The following HCRTR2 variants were observed in gnomAD, a reference collection of about 807,000 sequenced individuals.
HCRTR2 encodes hypocretin receptor 2.
HCRTR2 carries 22 observed loss-of-function variants against 49.0 expected under a neutral mutation model. The ratio of observed to expected loss-of-function variants is 0.45; its 90% CI spans 0.32 to 0.64. The LOEUF (loss-of-function observed/expected upper bound fraction) is 0.64. Ranked by LOEUF, HCRTR2 falls within the 30% of genes least tolerant of loss-of-function variation. The probability of loss-of-function intolerance (pLI) is 0.04; values close to 1 mark genes in which losing one functional copy is unlikely to be tolerated. For synonymous variants in HCRTR2, 236 were observed against 205.3 expected (o/e 1.15, Z -1.28); for missense variants, 491 against 559.4 (o/e 0.88, Z 1.23).
chr6:55,278,621 A>C (rs967452964), intron 5 of HCRTR2, among the ~76,000 whole-genome samples: 1 of 152,240 alleles, frequency 6.6e-6, no homozygotes, highest in African/African-American at 2.4e-5. Context: ...ACAGCCTTAA[A>C]GATATATGAT....
intron 6 of HCRTR2, 22 bp downstream of exon 6, chr6:55,280,466 C>T (rs1767167653): frequency 6.2e-7 from 1 of 1,610,572 alleles, no homozygotes; most frequent in Non-Finnish European, 8.5e-7. Flanking sequence ...ACTGTTCTTC[C>T]ATAAGCCACA....
intron 1 of HCRTR2, among the ~76,000 whole-genome samples, chr6:55,225,160 T>A (rs1765978055): frequency 6.6e-6 from 1 of 152,206 alleles, no homozygotes; most frequent in Non-Finnish European, 1.5e-5. Context: ...ATTAAAGATT[T>A]AATGTAGATA....
At chr6:55,189,130 TTG>T (rs1186254755) in intron 1 of HCRTR2, among the ~76,000 whole-genome samples, 1 of 152,212 alleles carries the variant, frequency 6.6e-6, no homozygotes, top group African/African-American at 2.4e-5. Flanking sequence ...CTTCTTTATT[TTG>T]TGGGTATCTG....
chr6:55,159,157 G>T (rs1764770613), intron 1 of HCRTR2, among the ~76,000 whole-genome samples: 1 of 152,100 alleles, frequency 6.6e-6, no homozygotes, highest in Non-Finnish European at 1.5e-5. Flanking sequence ...GTGATACCCA[G>T]GCAAATAGGG....
At chr6:55,205,828 G>A (rs1168504872) in intron 1 of HCRTR2, among the ~76,000 whole-genome samples, 2 of 151,960 alleles carry the variant, frequency 1.3e-5, no homozygotes, top group African/African-American at 2.4e-5. Context: ...TGCCCTGGCT[G>A]CCTGGTATAA....
chr6:55,266,629 G>A (rs10080597), intron 4 of HCRTR2, among the ~76,000 whole-genome samples: 1,900 of 143,376 alleles, frequency 0.013, 40 homozygotes, highest in African/African-American at 0.047. Context: ...TTGTATAAAA[G>A]GTATGCTTAT....
rs149213810 is a variant in HCRTR2, at chr6:55,254,470, A to G, written c.403-666A>G. Among the ~76,000 whole-genome samples, 686 of 152,222 alleles carry G rather than the reference A, an allele frequency of 4.5e-3. 8 individuals are homozygous for G. Among genetic ancestry groups the G allele is most frequent in the African/African-American group, 0.016 (646 of 41,560 alleles). The stretch of plus-strand genomic sequence containing the variant: ...TTATATACAAATTTTGACTGGGTGA[A>G]CTTACCTAGTTTTTGGAATCACATT... On this transcript the variant is annotated intron_variant, in intron 2 of 6. Transcript: ENST00000370862.
At chr6:55,200,638 T>G (rs1307831720) in intron 1 of HCRTR2, among the ~76,000 whole-genome samples, 1 of 152,168 alleles carries the variant, frequency 6.6e-6, no homozygotes, top group Admixed American at 6.5e-5. Flanking sequence ...CCATATATCT[T>G]TTTACACTGT....
chr6:55,165,192 A>T (rs1184621254), intron 1 of HCRTR2, among the ~76,000 whole-genome samples: 3 of 151,566 alleles, frequency 2.0e-5, no homozygotes. Flanking sequence ...CAAAAGCATA[A>T]ATCTAAGAGT....
chr6:55,181,348 C>A (rs1765131121), intron 1 of HCRTR2, among the ~76,000 whole-genome samples: 1 of 152,058 alleles, frequency 6.6e-6, no homozygotes, highest in South Asian at 2.1e-4. Flanking sequence ...ATCTCTTAAC[C>A]AAGTAAATGA....
chr6:55,257,718 A>G (rs1037989106), intron 3 of HCRTR2, among the ~76,000 whole-genome samples: 1 of 151,830 alleles, frequency 6.6e-6, no homozygotes, highest in Admixed American at 6.6e-5. Flanking sequence ...TAGCATGGAC[A>G]TTTTCATTAA....
intron 1 of HCRTR2, among the ~76,000 whole-genome samples, chr6:55,213,256 G>T (rs890676529): frequency 6.6e-6 from 1 of 152,172 alleles, no homozygotes; most frequent in Admixed American, 6.5e-5. Flanking sequence ...GGGTTTCAGG[G>T]ATATTGTTTA....
chr6:55,197,588 GCTGCTACTTACCATAACC>G (rs1487071174), intron 1 of HCRTR2, among the ~76,000 whole-genome samples: 1 of 151,914 alleles, frequency 6.6e-6, no homozygotes, highest in Non-Finnish European at 1.5e-5. Flanking sequence ...CAAACCCCAG[GCTGCTACTTACCATAACC>G]CTGAAACTAA....
Position 55,174,671 on chromosome 6 carries a change from T to C in HCRTR2, c.84T>C (p.Phe28=), listed in dbSNP as rs1242936397. 2 of 1,614,074 alleles carry C rather than the reference T, an allele frequency of 1.2e-6. No individual in the cohort carries two copies. The highest frequency in any genetic ancestry group is 3.3e-5 in the Admixed American group (2 of 60,008). ...ASELNETQEP[F]LNPTDYDDEE... is the part of the protein sequence containing the mutation. ...AGCTGAATGAAACTCAAGAGCCCTTTTTAAACCCCACCGACTATGACGACG... is the reference window on the plus strand; with the variant it reads ...AGCTGAATGAAACTCAAGAGCCCTTCTTAAACCCCACCGACTATGACGACG... The change falls in exon 1 of 7, where the codon TTT becomes TTC. Residue 28 remains phenylalanine (F), a synonymous_variant. Transcript: ENST00000370862.
chr6:55,266,933 C>A (rs1239213459), intron 4 of HCRTR2, among the ~76,000 whole-genome samples: 4 of 152,120 alleles, frequency 2.6e-5, no homozygotes, highest in Non-Finnish European at 5.9e-5. Context: ...AATCCACATT[C>A]TTTTCATGAA....
chr6:55,120,662 T>C (rs1255359642), intron 1 of HCRTR2, among the ~76,000 whole-genome samples: 1 of 151,366 alleles, frequency 6.6e-6, no homozygotes, highest in Non-Finnish European at 1.5e-5. Context: ...GCTGAGATGA[T>C]AGGGTTTTCT....
Position 55,245,469 on chromosome 6 carries a change from T to TA in HCRTR2, c.224-3170_224-3169insA, listed in dbSNP as rs1562020342. 5.5e-3 allele frequency among the ~76,000 whole-genome samples: 315 copies of TA among 56,758 alleles called. 9 individuals carry two copies. The highest frequency in any genetic ancestry group is 0.011 in the African/African-American group (186 of 17,616). The allele number at this position is 56,758 out of a possible 152,430, so 37.2% of individuals were successfully genotyped here. The stretch of plus-strand genomic sequence containing the variant: ...TACACATAGAATACATAGGAAGATT[T>TA]TATATATATATATATATATATATAT... On this transcript the variant is annotated intron_variant, in intron 1 of 6. Transcript: ENST00000370862.
At chr6:55,170,288 A>G (rs1489199006), upstream of HCRTR2, among the ~76,000 whole-genome samples, 1 of 148,676 alleles carries the variant, frequency 6.7e-6, no homozygotes, top group East Asian at 1.9e-4. Context: ...TATACATGTA[A>G]ATGTATAATA....
intron 1 of HCRTR2, among the ~76,000 whole-genome samples, chr6:55,229,390 AT>A (rs1318923249): frequency 2.6e-5 from 4 of 152,152 alleles, no homozygotes; most frequent in Admixed American, 2.0e-4. Flanking sequence ...CAGCAATTCC[AT>A]TTTTGGGTAT....
Sources: allele counts gnomAD v4.1 joint callset (sites outside exome capture counted in the v4.1 genomes callset), GRCh38; gene constraint gnomAD v4.1.1; transcripts MANE v1.5; gene names NCBI Gene and HGNC (gene_info 2026-07-23, HGNC 2026-07-21).